Variants in BCL2L13 observed in about 807,000 individuals in gnomAD.
BCL2L13 encodes the protein bcl-2-like protein 13.
Under a neutral mutation model 25.8 loss-of-function variants are expected in BCL2L13, and 13 were observed. The observed-to-expected ratio is 0.50, with a 90% CI of 0.33 to 0.80. BCL2L13 has a LOEUF of 0.80. BCL2L13 is among the 30% of genes least tolerant of loss of function. The pLI, the probability that BCL2L13 is intolerant of heterozygous loss-of-function variation, is 0.02. For missense variants in BCL2L13, 504 were observed against 574.9 expected, an observed-to-expected ratio of 0.88 and a Z score of 1.26; for synonymous variants, 244 against 230.3, an observed-to-expected ratio of 1.06 and a Z score of -0.54.
chr22:17,664,187 T>C (rs2059161201), intron 2 of BCL2L13, among the ~76,000 whole-genome samples: 1 of 151,412 alleles, frequency 6.6e-6, no homozygotes, highest in Non-Finnish European at 1.5e-5. Flanking sequence ...GGTTTCACCA[T>C]CTTGGCCGGC....
intron 2 of BCL2L13, among the ~76,000 whole-genome samples, chr22:17,669,344 C>G (rs1449930202): frequency 6.6e-6 from 1 of 152,152 alleles, no homozygotes; most frequent in Non-Finnish European, 1.5e-5. Flanking sequence ...GCTCTTGGTT[C>G]TTCAGGCTGT....
chr22:17,659,681 A>G (rs1165699778), intron 2 of BCL2L13, among the ~76,000 whole-genome samples: 1 of 145,426 alleles, frequency 6.9e-6, no homozygotes, highest in Non-Finnish European at 1.6e-5. Flanking sequence ...AAAACAAAAC[A>G]AAAAAACAAG....
At chr22:17,722,404 T>C (rs865774536) in intron 6 of BCL2L13, among the ~76,000 whole-genome samples, 5 of 151,534 alleles carry the variant, frequency 3.3e-5, no homozygotes, top group African/African-American at 1.2e-4. Context: ...TGTGTGTGTG[T>C]GTGTGTGTGT....
chr22:17,723,888 G>A lies in BCL2L13; in HGVS notation c.601-2789G>A, dbSNP rs181193777. Among the ~76,000 whole-genome samples, 305 of 150,144 alleles carry A rather than the reference G, an allele frequency of 2.0e-3. 4 individuals carry two copies. Among genetic ancestry groups the A allele is most frequent in the Admixed American group, 0.019 (285 of 15,044 alleles). The stretch of plus-strand genomic sequence containing the variant: ...ACGGAGGTTGCAGTGAGCCAAGATT[G>A]CACCACTGCACTCCAGCCTGATGAC... On this transcript the variant is annotated intron_variant, in intron 6 of 6. Transcript: ENST00000317582.
chr22:17,702,225 C>A lies in BCL2L13; in HGVS notation c.457-18C>A. Reference sequence around the variant, plus strand: ...GAATTTCAGTGTGGTTTTTTATTCTCTCATCTTTGCATTGAAGATTTTGGT... The same window carrying A: ...GAATTTCAGTGTGGTTTTTTATTCTATCATCTTTGCATTGAAGATTTTGGT... On this transcript the variant is annotated intron_variant, in intron 5 of 6. Coordinates refer to ENST00000317582, the MANE Select transcript of BCL2L13 (RefSeq NM_015367.4). The A allele has an allele frequency of 6.3e-7, 1 of 1,576,484 alleles. No individual in the cohort carries two copies. The highest frequency in any genetic ancestry group is 8.6e-7 in the Non-Finnish European group (1 of 1,163,756).
chr22:17,638,520 A>G, upstream of BCL2L13: 1 of 458,390 alleles, frequency 2.2e-6, no homozygotes. Flanking sequence ...CACAGCGACC[A>G]GCCGGTCAGA....
intron 3 of BCL2L13, among the ~76,000 whole-genome samples, chr22:17,684,194 A>G (rs79783036): frequency 0.034 from 5,249 of 152,270 alleles, 138 homozygotes; most frequent in Non-Finnish European, 0.054. Flanking sequence ...GTCTGGGCAC[A>G]GGGACTCATG....
chr22:17,674,388 C>T (rs75031852), intron 2 of BCL2L13, among the ~76,000 whole-genome samples: 5 of 151,856 alleles, frequency 3.3e-5, no homozygotes, highest in African/African-American at 9.7e-5. Context: ...GGGCGGATCA[C>T]AAGGTCAGGA....
chr22:17,720,952 G>A (rs942406734), intron 6 of BCL2L13, among the ~76,000 whole-genome samples: 1 of 151,966 alleles, frequency 6.6e-6, no homozygotes, highest in Non-Finnish European at 1.5e-5. Context: ...GGATCACGAG[G>A]TCAGGAGATC....
upstream of BCL2L13, among the ~76,000 whole-genome samples, chr22:17,634,234 G>T (rs762305714): frequency 8.5e-5 from 13 of 152,050 alleles, no homozygotes; most frequent in Non-Finnish European, 1.8e-4. Context: ...TGCCCAGGCT[G>T]GAGTGCAGTG....
intron 1 of BCL2L13, among the ~76,000 whole-genome samples, chr22:17,644,154 G>A (rs2058390359): frequency 6.6e-6 from 1 of 150,990 alleles, no homozygotes; most frequent in Non-Finnish European, 1.5e-5. Context: ...TAGGTGATCT[G>A]CCCATCTGGT....
chr22:17,656,454 G>A (rs553487439), intron 2 of BCL2L13, among the ~76,000 whole-genome samples: 13 of 130,016 alleles, frequency 1.0e-4, no homozygotes, highest in East Asian at 2.7e-4. Context: ...CGGTTCAAGC[G>A]ATTCTGCCTC....
intron 2 of BCL2L13, among the ~76,000 whole-genome samples, chr22:17,667,932 A>G (rs1462489829): frequency 6.7e-6 from 1 of 149,014 alleles, no homozygotes; most frequent in Non-Finnish European, 1.5e-5. Flanking sequence ...TGACATACAA[A>G]CATTTTTAAT....
intron 4 of BCL2L13, among the ~76,000 whole-genome samples, chr22:17,694,951 G>A (rs1158948808): frequency 6.6e-6 from 1 of 152,172 alleles, no homozygotes; most frequent in East Asian, 1.9e-4. Context: ...ATTGAGGTAG[G>A]CTGAGATTTG....
At chr22:17,669,791 A>G (rs970131009) in intron 2 of BCL2L13, among the ~76,000 whole-genome samples, 3 of 152,212 alleles carry the variant, frequency 2.0e-5, no homozygotes, top group African/African-American at 7.2e-5. Flanking sequence ...GAGCTCACAC[A>G]TTAGCATGCT....
At chr22:17,646,955 A>ATATATATATATTTT (rs768488873) in intron 1 of BCL2L13, among the ~76,000 whole-genome samples, 3 of 22,186 alleles carry the variant, frequency 1.4e-4, no homozygotes, top group African/African-American at 2.9e-4. Context: ...ATATATATAT[A>ATATATATATATTTT]TTTTTTTTTT....
chr22:17,724,527 A>G, intron 6 of BCL2L13, among the ~76,000 whole-genome samples: 1 of 152,184 alleles, frequency 6.6e-6, no homozygotes, highest in Non-Finnish European at 1.5e-5. Flanking sequence ...GCAAGGGTCG[A>G]GGTAGAAAGT....
chr22:17,712,728 A>G (rs929603919), intron 6 of BCL2L13, among the ~76,000 whole-genome samples: 1 of 152,206 alleles, frequency 6.6e-6, no homozygotes, highest in Non-Finnish European at 1.5e-5. Context: ...AACTGTTGAT[A>G]TGGCTTTGGT....
chr22:17,639,431 G>C (rs185631986), intron 1 of BCL2L13, among the ~76,000 whole-genome samples: 2 of 152,326 alleles, frequency 1.3e-5, no homozygotes, highest in African/African-American at 4.8e-5. Flanking sequence ...AGGCAGTACA[G>C]TTCACACGGA....
Sources: gnomAD v4.1 joint callset for allele counts (sites outside exome capture counted in the v4.1 genomes callset) on GRCh38, gnomAD v4.1.1 for gene constraint, MANE v1.5 for transcripts, NCBI Gene and HGNC (gene_info 2026-07-23, HGNC 2026-07-21) for gene names.